The following HAAO variants were observed in gnomAD, a reference collection of about 807,000 sequenced individuals.
The protein encoded by HAAO is 3-hydroxyanthranilate oxygenase.
Under a neutral mutation model 46.2 loss-of-function variants are expected in HAAO, and 49 were observed. The observed-to-expected ratio is 1.06, with a 90% confidence interval of 0.84 to 1.34. The LOEUF is 1.34. Ranked by LOEUF, HAAO falls within the 40% of genes most tolerant of loss-of-function variation. The pLI, the probability that HAAO is intolerant of heterozygous loss-of-function variation, is 0.00. For missense variants in HAAO, 408 were observed against 364.5 expected (o/e 1.12, Z -0.97); for synonymous variants, 157 against 145.2 (o/e 1.08, Z -0.58).
intron 4 of HAAO, among the ~76,000 whole-genome samples, chr2:42,774,462 A>G (rs1671388523): frequency 6.6e-6 from 1 of 152,198 alleles, no homozygotes; most frequent in Non-Finnish European, 1.5e-5. Context: ...TGAGATCTAA[A>G]GTTTATTTTG....
In HAAO at chr2:42,783,180, T is replaced by G; in HGVS notation, c.350+134A>C. On this transcript the variant is annotated intron_variant, in intron 4 of 9. Coordinates refer to ENST00000294973, the MANE Select transcript of HAAO (RefSeq NM_012205.3). ...GACAGGATCTCCACTGCCTCTGCTG[T>G]GAGGCCCTCCTGCCCACTCAGTGGC... 3 of 619,288 alleles carry G rather than the reference T, an allele frequency of 4.8e-6. No homozygotes were observed. The South Asian group carries it at 5.7e-5, about 12-fold the overall frequency. 38.4% of individuals were successfully genotyped at this position (619,288 alleles called of 1,614,324 possible). A position where few individuals can be genotyped will look rare whatever the true frequency, so the allele number is the denominator to read the frequency against.
At chr2:42,772,758 C>G (rs893970896) in intron 4 of HAAO, among the ~76,000 whole-genome samples, 1 of 151,906 alleles carries the variant, frequency 6.6e-6, no homozygotes, top group Non-Finnish European at 1.5e-5. Context: ...CTTTGATAAT[C>G]AGAAAAACAA....
At chr2:42,770,449 G>A in intron 5 of HAAO, 44 bp downstream of exon 5, 1 of 1,342,936 alleles carries the variant, frequency 7.4e-7, no homozygotes, top group Non-Finnish European at 1.0e-6. Context: ...TGCTGATGCA[G>A]AGCCCCAGGA....
rs147052760 is a variant in HAAO at position 42,790,112 on chromosome 2, C to A, written c.81-1505G>T. Reference sequence around the variant, plus strand: ...AGCCCCCAAACTAGACTGGCAGGTCCTTTCTGAGTGTCCTGTCCTGTGGGC... The same window carrying A: ...AGCCCCCAAACTAGACTGGCAGGTCATTTCTGAGTGTCCTGTCCTGTGGGC... On this transcript the variant is annotated intron_variant, in intron 1 of 9. Transcript: ENST00000294973. Among the ~76,000 whole-genome samples, 367 of 152,272 alleles carry A rather than the reference C, an allele frequency of 2.4e-3. 1 individual carries two copies. The highest frequency in any genetic ancestry group is 8.1e-3 in the African/African-American group (336 of 41,574).
intron 7 of HAAO, among the ~76,000 whole-genome samples, chr2:42,768,976 T>G (rs1293465056): frequency 6.6e-6 from 1 of 152,126 alleles, no homozygotes; most frequent in African/African-American, 2.4e-5. Context: ...TAGAATGCTC[T>G]CTCCACCTCC....
chr2:42,780,293 C>T (rs57621856), intron 4 of HAAO, among the ~76,000 whole-genome samples: 56,501 of 150,786 alleles, frequency 0.37, 11,666 homozygotes, highest in African/African-American at 0.52. Context: ...CTGCAACCTC[C>T]GCCTCCCAGG....
Position 42,767,409 on chromosome 2 carries a change from G to C in HAAO, c.*28C>G, listed in dbSNP as rs1250141339. 2 of 1,560,568 alleles carry C rather than the reference G, an allele frequency of 1.3e-6. No homozygotes were observed. The highest frequency in any genetic ancestry group is 1.1e-5 in the South Asian group (1 of 89,056). On this transcript the variant is annotated 3_prime_UTR_variant, in exon 10 of 10. Transcript: ENST00000294973. ...GCACTCGAGGGTGCTTGGCACACCT[G>C]TGGCTGCTTCAGGCCATGGCAAGAG...
At chr2:42,769,942 G>T in intron 6 of HAAO, 84 bp from the exon 7 acceptor site, 2 of 1,433,544 alleles carry the variant, frequency 1.4e-6, no homozygotes, top group Non-Finnish European at 1.9e-6. Flanking sequence ...GGGGCCCCAG[G>T]TCTCAATTGC....
intron 7 of HAAO, 62 bp from the exon 8 acceptor site, chr2:42,767,990 AC>A: frequency 1.4e-6 from 2 of 1,457,854 alleles, no homozygotes; most frequent in Non-Finnish European, 1.9e-6. Context: ...ATGGTCTTGA[AC>A]CTGGCCCCCA....
Position 42,769,870 on chromosome 2 carries a change from G to A in HAAO, c.485-12C>T, listed in dbSNP as rs374775671. ...CTTGAGCAGCTGGTCTGCACCCACAGCATGACTATAGTCGGTGTCCTCAGG... is the reference window on the plus strand; with the variant it reads ...CTTGAGCAGCTGGTCTGCACCCACAACATGACTATAGTCGGTGTCCTCAGG... On this transcript the variant is annotated splice_polypyrimidine_tract_variant and intron_variant, in intron 6 of 9. Coordinates refer to ENST00000294973, the MANE Select transcript of HAAO (RefSeq NM_012205.3). 6.9e-6 allele frequency: 11 copies of A among 1,602,114 alleles called. No homozygotes were observed. The African/African-American group carries it at 1.5e-4, about 21-fold the overall frequency.
Position 42,769,735 on chromosome 2 carries a change from A to T in HAAO, c.608T>A (p.Phe203Tyr). The T allele has an allele frequency of 6.2e-7, 1 of 1,613,086 alleles. No individual in the cohort carries two copies. Among genetic ancestry groups the T allele is most frequent in the Non-Finnish European group, 8.5e-7 (1 of 1,179,524 alleles). ...TACCTGGGTCTCATAGGTGTCCCCA[A>T]ACAGGCTGAGTGGTGTGCCTGCCTG... The part of the protein sequence containing the change: ...ELQAGTPLSL[F>Y]GDTYETQVIA... Residue 203 changes from phenylalanine to tyrosine, a missense_variant, in exon 7 of 10, where the codon TTT becomes TAT. Phe to Tyr is a conservative substitution (Grantham distance 22, BLOSUM62 3). Transcript: ENST00000294973.
At chr2:42,792,410 G>A (rs368230919) in intron 1 of HAAO, 47 bp downstream of exon 1, 2 of 1,078,736 alleles carry the variant, frequency 1.9e-6, no homozygotes, top group Middle Eastern at 2.1e-4. Context: ...GATGGAGGAG[G>A]GGGAGGAGGC....
intron 3 of HAAO, 41 bp downstream of exon 3, chr2:42,783,743 G>A: frequency 6.5e-7 from 1 of 1,541,252 alleles, no homozygotes; most frequent in Admixed American, 1.7e-5. Context: ...TCCAGCTGTG[G>A]CCGCCTTTCT....
Position 42,792,481 on chromosome 2 carries a change from T to TA in HAAO, c.55_56insT (p.Gln19LeufsTer34), listed in dbSNP as rs1672879379. On this transcript the variant is annotated frameshift_variant, in exon 1 of 10. Transcript: ENST00000294973. LOFTEE classifies it high-confidence loss of function. Reference sequence around the variant, plus strand: ...CATGAGCTTGTTGCAGACCGGGGGCTGGAAGGAGCCCCGGTTCTCCTTCAC... The same window carrying TA: ...CATGAGCTTGTTGCAGACCGGGGGCTAGGAAGGAGCCCCGGTTCTCCTTCAC... 1.3e-6 allele frequency: 2 copies of TA among 1,589,830 alleles called. No homozygotes were observed. Among genetic ancestry groups the TA allele is most frequent in the African/African-American group, 2.8e-5 (2 of 72,686 alleles).
intron 4 of HAAO, among the ~76,000 whole-genome samples, chr2:42,781,718 C>CA (rs1424950680): frequency 2.0e-5 from 3 of 151,796 alleles, no homozygotes; most frequent in African/African-American, 2.4e-5. Flanking sequence ...ACTAAAAATT[C>CA]AAAAAATTAG....
chr2:42,781,281 A>T (rs200815422), intron 4 of HAAO, among the ~76,000 whole-genome samples: 1 of 152,196 alleles, frequency 6.6e-6, no homozygotes, highest in Non-Finnish European at 1.5e-5. Flanking sequence ...TTTATCAAGG[A>T]TTTGACTGGA....
At chr2:42,784,261 G>A (rs1429964899) in intron 2 of HAAO, among the ~76,000 whole-genome samples, 1 of 152,152 alleles carries the variant, frequency 6.6e-6, no homozygotes, top group African/African-American at 2.4e-5. Flanking sequence ...AACCTCCAAA[G>A]GTATCATTAA....
At chr2:42,781,933 A>G (rs1007834226) in intron 4 of HAAO, among the ~76,000 whole-genome samples, 2 of 152,242 alleles carry the variant, frequency 1.3e-5, no homozygotes, top group African/African-American at 4.8e-5. Context: ...AAGTATAATA[A>G]AGCAAATCAG....
chr2:42,783,555 C>A, intron 3 of HAAO, 135 bp from the exon 4 acceptor site: 1 of 683,582 alleles, frequency 1.5e-6, no homozygotes, highest in Non-Finnish European at 2.6e-6. Flanking sequence ...GGGCCCTCTT[C>A]TCTGCCCAGC....
Sources: gnomAD v4.1 joint callset for allele counts (sites outside exome capture counted in the v4.1 genomes callset) on GRCh38, gnomAD v4.1.1 for gene constraint, MANE v1.5 for transcripts, NCBI Gene and HGNC (gene_info 2026-07-23, HGNC 2026-07-21) for gene names.